Variants in NUGGC observed in about 807,000 individuals in gnomAD.
NUGGC encodes the protein nuclear GTPase SLIP-GC.
In NUGGC, 58 loss-of-function variants were observed where a neutral mutation model predicts 92.6. That is an observed-to-expected ratio of 0.63 (90% CI 0.51 to 0.78). The LOEUF is 0.78. NUGGC is among the 30% of genes least tolerant of loss of function. The probability of loss-of-function intolerance (pLI) is 0.00; values close to 1 mark genes in which losing one functional copy is unlikely to be tolerated. For synonymous variants in NUGGC, 376 were observed against 366.4 expected (o/e 1.03, Z -0.30); for missense variants, 925 against 964.6 (o/e 0.96, Z 0.54).
intron 18 of NUGGC, among the ~76,000 whole-genome samples, chr8:28,024,195 C>CTTTT (rs763885790): frequency 1.2e-3 from 151 of 123,952 alleles, no homozygotes; most frequent in East Asian, 2.8e-3. Flanking sequence ...TAAATTCTTT[C>CTTTT]TTTTTTTTTT....
At chr8:28,066,626 A>C (rs978964741) in intron 6 of NUGGC, among the ~76,000 whole-genome samples, 4 of 152,262 alleles carry the variant, frequency 2.6e-5, no homozygotes, top group African/African-American at 9.6e-5. Flanking sequence ...GAGAGATACA[A>C]GAAAAACTAG....
At chr8:28,081,607 A>G (rs937574090) in intron 1 of NUGGC, among the ~76,000 whole-genome samples, 2 of 152,120 alleles carry the variant, frequency 1.3e-5, no homozygotes, top group African/African-American at 4.8e-5. Context: ...AGCTGGGTGC[A>G]GTGGATCACA....
intron 8 of NUGGC, among the ~76,000 whole-genome samples, chr8:28,058,765 C>T (rs1393831534): frequency 3.3e-5 from 5 of 151,466 alleles, no homozygotes; most frequent in Admixed American, 6.6e-5. Flanking sequence ...TGCAGTGGTA[C>T]GATCTCAGCT....
chr8:28,044,671 T>A (rs950098756), intron 12 of NUGGC, among the ~76,000 whole-genome samples: 7 of 152,212 alleles, frequency 4.6e-5, no homozygotes, highest in Non-Finnish European at 7.4e-5. Context: ...TGGGTTGTTA[T>A]TAGAGATAGC....
At chr8:28,053,127 A>G (rs559353259) in intron 10 of NUGGC, among the ~76,000 whole-genome samples, 193 of 152,298 alleles carry the variant, frequency 1.3e-3, no homozygotes, top group African/African-American at 4.6e-3. Context: ...AATGCCTTAT[A>G]AAGAACTTCT....
chr8:28,047,670 AT>A, intron 10 of NUGGC, 58 bp from the exon 11 acceptor site: 1 of 1,079,000 alleles, frequency 9.3e-7, no homozygotes, highest in Admixed American at 2.1e-5. Context: ...AAAGGCAATC[AT>A]GCACAGGACC....
At chr8:28,047,416 T>C in intron 11 of NUGGC, 91 bp downstream of exon 11, 1 of 754,180 alleles carries the variant, frequency 1.3e-6, no homozygotes, top group Non-Finnish European at 2.2e-6. Context: ...AAATTGTTTG[T>C]GTGGCACAAA....
At chr8:28,060,302 C>T (rs1810265980) in intron 8 of NUGGC, 124 bp downstream of exon 8, 3 of 979,244 alleles carry the variant, frequency 3.1e-6, no homozygotes, top group East Asian at 2.6e-5. Context: ...TCTTTCCTCC[C>T]CAACAATCAC....
intron 13 of NUGGC, among the ~76,000 whole-genome samples, chr8:28,038,721 T>C (rs1201078239): frequency 6.6e-6 from 1 of 152,212 alleles, no homozygotes; most frequent in Non-Finnish European, 1.5e-5. Context: ...GGTTGGCAAA[T>C]ACAAGTTGCT....
intron 8 of NUGGC, 44 bp downstream of exon 8, chr8:28,060,367 GGACCCACAGAGGAAA>G: frequency 4.7e-6 from 7 of 1,501,276 alleles, no homozygotes; most frequent in Non-Finnish European, 4.6e-6. Flanking sequence ...ACTGTAGTCA[GGACCCACAGAGGAAA>G]GCCCCTGACT....
intron 13 of NUGGC, among the ~76,000 whole-genome samples, chr8:28,040,571 C>T (rs1385268199): frequency 6.6e-6 from 1 of 152,136 alleles, no homozygotes; most frequent in Non-Finnish European, 1.5e-5. Flanking sequence ...TTTCAAGACA[C>T]AGATGAACAA....
chr8:28,070,270 G>C lies in NUGGC; in HGVS notation c.130C>G (p.Gln44Glu), dbSNP rs1362512470. Residue 44 changes from glutamine to glutamate, a missense_variant, in exon 3 of 19, where the codon CAG (glutamine) becomes GAG (glutamate). Transcript: ENST00000413272. Reference protein sequence around the residue: ...QRFRAFPSMEQSALKEYEKLE... With the variant: ...QRFRAFPSMEESALKEYEKLE... ...CACTCACATTCCTTAAGAGCACTCTGCTCCATGGAGGGAAATGCTCGGAAC... is the reference window on the plus strand; with the variant it reads ...CACTCACATTCCTTAAGAGCACTCTCCTCCATGGAGGGAAATGCTCGGAAC... 6.4e-7 allele frequency: 1 copy of C among 1,552,250 alleles called. No homozygotes were observed. The highest frequency in any genetic ancestry group is 2.4e-5 in the East Asian group (1 of 41,574).
At position 28,036,497 on chromosome 8, in the gene NUGGC, C is replaced by T. The variant is rs573351244; in HGVS notation, c.1612-2800G>A. Among the ~76,000 whole-genome samples the T allele has an allele frequency of 2.6e-5, 4 of 152,248 alleles. No homozygotes were observed. In the South Asian group the frequency reaches 8.3e-4, roughly 32 times the overall value. On this transcript the variant is annotated intron_variant, in intron 13 of 18. Transcript: ENST00000413272. The stretch of plus-strand genomic sequence containing the variant: ...TCTCCAGGCTTCAGTTCCATATTTC[C>T]AACACTGTATTAGATATTCCACCTC...
intron 13 of NUGGC, among the ~76,000 whole-genome samples, chr8:28,035,777 G>A (rs1809539177): frequency 6.6e-6 from 1 of 152,204 alleles, no homozygotes; most frequent in East Asian, 1.9e-4. Flanking sequence ...GCCTAGCACA[G>A]TCACCAATGA....
chr8:28,045,724 T>C, intron 11 of NUGGC, 64 bp from the exon 12 acceptor site: 1 of 1,553,044 alleles, frequency 6.4e-7, no homozygotes, highest in Non-Finnish European at 8.7e-7. Context: ...ATAGAATTCA[T>C]AAAAGTTGAA....
intron 7 of NUGGC, among the ~76,000 whole-genome samples, chr8:28,063,634 C>G (rs1810363809): frequency 6.6e-6 from 1 of 152,188 alleles, no homozygotes; most frequent in South Asian, 2.1e-4. Flanking sequence ...CTGTGTGGTC[C>G]TGGACAAGTG....
chr8:28,053,632 C>T (rs1489216249), intron 10 of NUGGC, among the ~76,000 whole-genome samples: 2 of 152,194 alleles, frequency 1.3e-5, no homozygotes, highest in African/African-American at 2.4e-5. Context: ...TGCACCATAG[C>T]GGTGACAGCT....
At chr8:28,072,783 C>T (rs751578918) in intron 2 of NUGGC, among the ~76,000 whole-genome samples, 2 of 151,778 alleles carry the variant, frequency 1.3e-5, no homozygotes, top group Admixed American at 1.3e-4. Flanking sequence ...TAAACTTGTC[C>T]GAATTTAGAT....
intron 9 of NUGGC, among the ~76,000 whole-genome samples, chr8:28,057,330 C>CTTTTTTTTTTTTTTTT (rs57167648): frequency 1.0e-4 from 13 of 123,998 alleles, no homozygotes; most frequent in Admixed American, 1.8e-4. Context: ...ATTTTCTTTC[C>CTTTTTTTTTTTTTTTT]TTTTTTTTTT....
Sources: gnomAD v4.1 joint callset for allele counts (sites outside exome capture counted in the v4.1 genomes callset) on GRCh38, gnomAD v4.1.1 for gene constraint, MANE v1.5 for transcripts, NCBI Gene and HGNC (gene_info 2026-07-23, HGNC 2026-07-21) for gene names.